PAPPA: variants seen among roughly 807,000 people sequenced by gnomAD.
PAPPA encodes pappalysin 1.
PAPPA carries 60 observed loss-of-function variants against 164.0 expected under a neutral mutation model. The observed-to-expected ratio is 0.37, with a 90% CI of 0.30 to 0.45. The LOEUF (loss-of-function observed/expected upper bound fraction) is 0.45, where lower values mean the gene tolerates loss of function less well. Ranked by LOEUF, PAPPA falls within the 20% of genes least tolerant of loss-of-function variation. The pLI is 1.00. For missense variants in PAPPA, 1,782 were observed against 2,087.3 expected (o/e 0.85, Z 2.85); for synonymous variants, 875 against 814.1 (o/e 1.07, Z -1.27).
intron 10 of PAPPA, among the ~76,000 whole-genome samples, chr9:116,319,584 C>T (rs908397581): frequency 1.3e-5 from 2 of 152,104 alleles, no homozygotes; most frequent in East Asian, 1.9e-4. Flanking sequence ...AGGATGGTGT[C>T]CATGGAGGTG....
intron 9 of PAPPA, among the ~76,000 whole-genome samples, chr9:116,277,141 G>A (rs184945802): frequency 3.8e-4 from 58 of 152,088 alleles, no homozygotes; most frequent in South Asian, 3.3e-3. Context: ...TTCTAACAAC[G>A]TGAAATCATA....
At chr9:116,352,979 C>T in intron 16 of PAPPA, 63 bp downstream of exon 16, 2 of 1,228,860 alleles carry the variant, frequency 1.6e-6, no homozygotes, top group Non-Finnish European at 2.4e-6. Context: ...GTTCAAATGC[C>T]TGACTGGACG....
chr9:116,218,871 C>T (rs571770936), intron 4 of PAPPA, among the ~76,000 whole-genome samples: 2 of 152,186 alleles, frequency 1.3e-5, no homozygotes, highest in South Asian at 2.1e-4. Context: ...CTCTTCTGTA[C>T]GATAAGGAAA....
intron 7 of PAPPA, among the ~76,000 whole-genome samples, chr9:116,241,435 C>T (rs1844734442): frequency 6.6e-6 from 1 of 152,114 alleles, no homozygotes; most frequent in Non-Finnish European, 1.5e-5. Flanking sequence ...CCAGAAGTGT[C>T]CCCCAGTAAC....
At position 116,188,025 on chromosome 9, in the gene PAPPA, C is replaced by T; in HGVS notation, c.1287C>T (p.Asn429=). The T allele has an allele frequency of 6.2e-7, 1 of 1,614,200 alleles. No individual in the cohort carries two copies. The highest frequency in any genetic ancestry group is 8.5e-7 in the Non-Finnish European group (1 of 1,180,042). ...IGDENCDPEC[N]HTLTGHDGGD... is the part of the protein sequence containing the mutation. ...ATGAGAACTGTGACCCCGAGTGCAA[C>T]CACACGCTGACGGGCCACGACGGCG... The change falls in exon 2 of 22, where the codon AAC becomes AAT. Residue 429 remains asparagine (N), a synonymous_variant. Transcript: ENST00000328252.
rs1309072906 is a variant in PAPPA at position 116,400,234 on chromosome 9, A to ATGTT, written c.*3620_*3623dup. The stretch of plus-strand genomic sequence containing the variant: ...AACTAAGAATAAAAAACCTATTTTT[A>ATGTT]TGTTTCCTAAAGGAAATTGTTTATT... On this transcript the variant is annotated 3_prime_UTR_variant, in exon 22 of 22. Transcript: ENST00000328252. 7 of 152,230 alleles carry ATGTT rather than the reference A, an allele frequency of 4.6e-5. No individual in the cohort carries two copies. Among genetic ancestry groups the ATGTT allele is most frequent in the African/African-American group, 1.4e-4 (6 of 41,470 alleles). 9.4% of individuals were successfully genotyped at this position (152,230 alleles called of 1,614,324 possible). A position where few individuals can be genotyped will look rare whatever the true frequency, so the allele number is the denominator to read the frequency against.
chr9:116,210,208 C>T (rs1340963273), intron 3 of PAPPA, among the ~76,000 whole-genome samples: 1 of 152,110 alleles, frequency 6.6e-6, no homozygotes, highest in Admixed American at 6.6e-5. Flanking sequence ...ACTCACATGC[C>T]CTCTCACACA....
intron 1 of PAPPA, among the ~76,000 whole-genome samples, chr9:116,164,327 A>G (rs184312183): frequency 1.8e-3 from 280 of 152,046 alleles, no homozygotes; most frequent in Middle Eastern, 0.017. Context: ...TGCTTTGACC[A>G]CTTGGATTTT....
At chr9:116,394,448 A>C (rs1846935880) in intron 21 of PAPPA, among the ~76,000 whole-genome samples, 1 of 152,192 alleles carries the variant, frequency 6.6e-6, no homozygotes, top group Non-Finnish European at 1.5e-5. Flanking sequence ...AACGAGTATG[A>C]AGCAAACAAG....
At chr9:116,383,060 C>T (rs1846753956) in intron 21 of PAPPA, among the ~76,000 whole-genome samples, 2 of 152,246 alleles carry the variant, frequency 1.3e-5, no homozygotes, top group African/African-American at 4.8e-5. Context: ...GAAAGATGGT[C>T]ATGGTCATGG....
intron 2 of PAPPA, among the ~76,000 whole-genome samples, chr9:116,204,297 C>T (rs1844205979): frequency 6.6e-6 from 1 of 152,182 alleles, no homozygotes; most frequent in African/African-American, 2.4e-5. Flanking sequence ...AATCTACAGA[C>T]TAATACATGC....
At chr9:116,378,771 C>T (rs975053404) in intron 20 of PAPPA, among the ~76,000 whole-genome samples, 13 of 152,154 alleles carry the variant, frequency 8.5e-5, no homozygotes, top group Non-Finnish European at 4.4e-5. Context: ...AAAGACAAAA[C>T]GTAAGCCCAG....
At chr9:116,391,446 C>A (rs572155457) in intron 21 of PAPPA, among the ~76,000 whole-genome samples, 1 of 152,326 alleles carries the variant, frequency 6.6e-6, no homozygotes, top group East Asian at 1.9e-4. Flanking sequence ...ACTGTTGTCC[C>A]TCTCCAACCG....
At chr9:116,324,784 G>T (rs1845901381) in intron 10 of PAPPA, among the ~76,000 whole-genome samples, 1 of 152,136 alleles carries the variant, frequency 6.6e-6, no homozygotes, top group Non-Finnish European at 1.5e-5. Context: ...ATCATGGAGG[G>T]GGAGTCCACA....
chr9:116,314,112 G>A (rs147699536), intron 10 of PAPPA, among the ~76,000 whole-genome samples: 3 of 113,564 alleles, frequency 2.6e-5, no homozygotes, highest in South Asian at 2.8e-4. Flanking sequence ...TCACTCTTTC[G>A]CCAGGCTGGA....
chr9:116,317,242 A>T (rs1588001050), intron 10 of PAPPA, among the ~76,000 whole-genome samples: 1 of 152,214 alleles, frequency 6.6e-6, no homozygotes, highest in Non-Finnish European at 1.5e-5. Flanking sequence ...TGCGGTCAAG[A>T]CTGCCATTAA....
intron 2 of PAPPA, among the ~76,000 whole-genome samples, chr9:116,191,025 G>A (rs2118637742): frequency 6.6e-6 from 1 of 151,320 alleles, no homozygotes; most frequent in African/African-American, 2.4e-5. Context: ...AGGGAGGAAG[G>A]GAAGGAGGGA....
intron 1 of PAPPA, among the ~76,000 whole-genome samples, chr9:116,176,611 G>A (rs1843837590): frequency 6.6e-6 from 1 of 152,034 alleles, no homozygotes; most frequent in Non-Finnish European, 1.5e-5. Context: ...ACCCCAGCTT[G>A]GAAAGATAAA....
intron 1 of PAPPA, among the ~76,000 whole-genome samples, chr9:116,161,935 G>A (rs1010418913): frequency 6.6e-6 from 1 of 152,108 alleles, no homozygotes; most frequent in Admixed American, 6.6e-5. Flanking sequence ...TGACCTGAAA[G>A]GTTTGCAAAT....
Sources: gnomAD v4.1 joint callset for allele counts (sites outside exome capture counted in the v4.1 genomes callset) on GRCh38, gnomAD v4.1.1 for gene constraint, MANE v1.5 for transcripts, NCBI Gene and HGNC (gene_info 2026-07-23, HGNC 2026-07-21) for gene names.